Variants in WDR25 observed in about 807,000 individuals in gnomAD.
WDR25 encodes the protein WD repeat-containing protein 25.
A neutral mutation model predicts 47.7 loss-of-function variants in WDR25; 35 were observed. The ratio of observed to expected loss-of-function variants is 0.73; its 90% CI spans 0.56 to 0.97. The LOEUF (loss-of-function observed/expected upper bound fraction) is 0.97, where lower values mean the gene tolerates loss of function less well. Among genes scored for constraint, WDR25 ranks in the 50% least tolerant of loss-of-function variants. The pLI is 0.00. For synonymous variants in WDR25, 248 were observed against 278.9 expected, an observed-to-expected ratio of 0.89 and a Z score of 1.10; for missense variants, 634 against 704.7, an observed-to-expected ratio of 0.90 and a Z score of 1.14.
chr14:100,510,672 G>A (rs1315539700), intron 4 of WDR25, among the ~76,000 whole-genome samples: 1 of 151,824 alleles, frequency 6.6e-6, no homozygotes, highest in Non-Finnish European at 1.5e-5. Flanking sequence ...GGAGCCGGAG[G>A]TTGCAGTGAG....
chr14:100,456,403 G>A (rs916644636), intron 2 of WDR25, among the ~76,000 whole-genome samples: 5 of 152,182 alleles, frequency 3.3e-5, no homozygotes, highest in African/African-American at 9.7e-5. Flanking sequence ...GAACCATGAT[G>A]AGAAGAAAAA....
chr14:100,429,460 C>G (rs1056109817), intron 2 of WDR25, among the ~76,000 whole-genome samples: 6 of 152,178 alleles, frequency 3.9e-5, no homozygotes, highest in African/African-American at 1.4e-4. Flanking sequence ...GCCCACTGTT[C>G]ATCTGCCCTG....
chr14:100,431,241 G>A (rs1281186897), intron 2 of WDR25, among the ~76,000 whole-genome samples: 1 of 152,120 alleles, frequency 6.6e-6, no homozygotes, highest in Non-Finnish European at 1.5e-5. Context: ...AGTGGTTTTA[G>A]AACATTGAGA....
intron 2 of WDR25, among the ~76,000 whole-genome samples, chr14:100,398,992 G>A (rs1237385292): frequency 2.0e-5 from 3 of 151,528 alleles, no homozygotes; most frequent in South Asian, 2.1e-4. Context: ...GCACCTTAAT[G>A]AGGCTTAAAG....
chr14:100,378,087 A>T (rs1002901456), intron 1 of WDR25, among the ~76,000 whole-genome samples: 3 of 152,258 alleles, frequency 2.0e-5, no homozygotes, highest in African/African-American at 7.2e-5. Flanking sequence ...CTAACAGCAC[A>T]GAAGTAAAAA....
At chr14:100,442,703 C>A (rs1300454251) in intron 2 of WDR25, among the ~76,000 whole-genome samples, 1 of 152,198 alleles carries the variant, frequency 6.6e-6, no homozygotes, top group East Asian at 1.9e-4. Context: ...ATTCTGTGTA[C>A]TAAGCACATT....
rs1900813490 is a variant in WDR25, at chr14:100,498,651, T to G, written c.1101+14527T>G. Reference sequence around the variant, plus strand: ...CTCTGCAGCAGCTTTAGGGTCTCCCTTCTCCACCACCTCAGTCCCTGCGTC... The same window carrying G: ...CTCTGCAGCAGCTTTAGGGTCTCCCGTCTCCACCACCTCAGTCCCTGCGTC... On this transcript the variant is annotated intron_variant, in intron 4 of 6. Coordinates refer to ENST00000402312, the MANE Select transcript of WDR25 (RefSeq NM_001161476.3). The surrounding 1 kb of genome is among the most constrained non-coding windows in gnomAD (Gnocchi z 4.2). Among the ~76,000 whole-genome samples the G allele has an allele frequency of 6.6e-6, 1 of 152,180 alleles. No individual in the cohort carries two copies. Among genetic ancestry groups the G allele is most frequent in the Non-Finnish European group, 1.5e-5 (1 of 68,034 alleles).
In WDR25 at chr14:100,392,778, A is replaced by T. The variant is rs1897173733; in HGVS notation, c.822+11032A>T. ...TTTACTTAGCCGCCCTTGGACACTT[A>T]GGTGGTTTCTAATTTTTGCTATTAT... On this transcript the variant is annotated intron_variant, in intron 2 of 6. Coordinates refer to ENST00000402312, the MANE Select transcript of WDR25 (RefSeq NM_001161476.3). The surrounding 1 kb of genome is among the most constrained non-coding windows in gnomAD (Gnocchi z 4.2). 6.6e-6 allele frequency among the ~76,000 whole-genome samples: 1 copy of T among 152,134 alleles called. No individual in the cohort carries two copies. Among genetic ancestry groups the T allele is most frequent in the African/African-American group, 2.4e-5 (1 of 41,416 alleles).
At chr14:100,467,123 C>G (rs1899657320) in intron 2 of WDR25, among the ~76,000 whole-genome samples, 1 of 152,264 alleles carries the variant, frequency 6.6e-6, no homozygotes, top group Admixed American at 6.5e-5. Flanking sequence ...AGCACCTTCT[C>G]TCCTCCAACA....
At chr14:100,410,324 A>T (rs1897670734) in intron 2 of WDR25, among the ~76,000 whole-genome samples, 2 of 152,048 alleles carry the variant, frequency 1.3e-5, no homozygotes, top group African/African-American at 4.8e-5. Flanking sequence ...ACGGTGGAGG[A>T]TACAGAGGAC....
rs2030094477 is a variant in WDR25, at chr14:100,525,803, C to T, written c.1102-67C>T. On this transcript the variant is annotated intron_variant, in intron 4 of 6. Transcript: ENST00000402312. This position sits in a 1 kb window ranked among gnomAD's most constrained non-coding sequence, Gnocchi z 4.6. ...ACCTGCCTGCCCCCTGGGTCCTTGG[C>T]CTTCCCTGCATAGGCGCCTGTCCGT... The T allele has an allele frequency of 8.2e-6, 13 of 1,576,604 alleles. No homozygotes were observed. The South Asian group carries it at 1.5e-4, about 18-fold the overall frequency.
At chr14:100,448,676 TGTGGTG>T (rs528868956) in intron 2 of WDR25, among the ~76,000 whole-genome samples, 35 of 152,138 alleles carry the variant, frequency 2.3e-4, no homozygotes, top group African/African-American at 8.4e-4. Context: ...ACCATAGCCT[TGTGGTG>T]GTGATGGGGT....
In WDR25 at chr14:100,525,819, G is replaced by A. The variant is rs536793488; in HGVS notation, c.1102-51G>A. 3.1e-5 allele frequency: 50 copies of A among 1,599,344 alleles called. No individual in the cohort carries two copies. Among genetic ancestry groups the A allele is most frequent in the Admixed American group, 5.1e-5 (3 of 59,054 alleles). ...GGTCCTTGGCCTTCCCTGCATAGGCGCCTGTCCGTGCTGCCAGGCCTGCCA... is the reference window on the plus strand; with the variant it reads ...GGTCCTTGGCCTTCCCTGCATAGGCACCTGTCCGTGCTGCCAGGCCTGCCA... On this transcript the variant is annotated intron_variant, in intron 4 of 6. Transcript: ENST00000402312. This position sits in a 1 kb window ranked among gnomAD's most constrained non-coding sequence, Gnocchi z 4.6.
At chr14:100,397,695 A>G (rs116365298) in intron 2 of WDR25, among the ~76,000 whole-genome samples, 1,577 of 152,348 alleles carry the variant, frequency 0.01, 26 homozygotes, top group African/African-American at 0.036. Flanking sequence ...CAGCAAAGCG[A>G]TAGAAAAGCA....
chr14:100,457,594 A>T (rs533932388), intron 2 of WDR25, among the ~76,000 whole-genome samples: 1 of 152,372 alleles, frequency 6.6e-6, no homozygotes, highest in South Asian at 2.1e-4. Flanking sequence ...AAGGAAAATG[A>T]TGCTAGAGAG....
At chr14:100,387,220 G>A (rs971206206) in intron 2 of WDR25, among the ~76,000 whole-genome samples, 1 of 152,010 alleles carries the variant, frequency 6.6e-6, no homozygotes, top group African/African-American at 2.4e-5. Context: ...TGATTCCCCT[G>A]TACCTGTCTT....
intron 2 of WDR25, among the ~76,000 whole-genome samples, chr14:100,443,033 T>A (rs1898716506): frequency 6.6e-6 from 1 of 152,214 alleles, no homozygotes; most frequent in South Asian, 2.1e-4. Flanking sequence ...CCCCAGGCGC[T>A]CGCACACAGG....
intron 3 of WDR25, chr14:100,480,918 G>A: frequency 2.9e-6 from 1 of 348,400 alleles, no homozygotes; most frequent in Non-Finnish European, 5.7e-6. Flanking sequence ...TGGCTCTGCA[G>A]GCACCTGGCA....
chr14:100,483,987 G>T lies in WDR25; in HGVS notation c.971-7G>T. The T allele has an allele frequency of 1.2e-6, 2 of 1,602,108 alleles. No individual in the cohort carries two copies. Among genetic ancestry groups the T allele is most frequent in the Middle Eastern group, 1.7e-4 (1 of 6,008 alleles). Reference sequence around the variant, plus strand: ...TTCTAACCCTCTCTTCTCTTTTTGTGTTGTAGGAACCCAGCTATTTAGTGG... The same window carrying T: ...TTCTAACCCTCTCTTCTCTTTTTGTTTTGTAGGAACCCAGCTATTTAGTGG... On this transcript the variant is annotated splice_polypyrimidine_tract_variant and splice_region_variant and intron_variant, in intron 3 of 6. Transcript: ENST00000402312.
Sources: gnomAD v4.1 joint callset for allele counts (sites outside exome capture counted in the v4.1 genomes callset) on GRCh38, gnomAD v4.1.1 for gene constraint, Gnocchi (gnomAD v3.1) non-coding constraint, MANE v1.5 for transcripts, NCBI Gene and HGNC (gene_info 2026-07-23, HGNC 2026-07-21) for gene names.